Variants in NUB1 observed in about 807,000 individuals in gnomAD.
The protein encoded by NUB1 is NEDD8 ultimate buster 1.
NUB1 carries 41 observed loss-of-function variants against 77.1 expected under a neutral mutation model. The observed-to-expected ratio is 0.53, with a 90% CI of 0.41 to 0.69. NUB1 has a LOEUF of 0.69. Ranked by LOEUF, NUB1 falls within the 30% of genes least tolerant of loss-of-function variation. The pLI, the probability that NUB1 is intolerant of heterozygous loss-of-function variation, is 0.00. For synonymous variants in NUB1, 257 were observed against 281.0 expected, an observed-to-expected ratio of 0.91 and a Z score of 0.85; for missense variants, 643 against 743.8, an observed-to-expected ratio of 0.86 and a Z score of 1.58.
chr7:151,343,822 C>T (rs1796325446), intron 1 of NUB1, among the ~76,000 whole-genome samples: 1 of 152,064 alleles, frequency 6.6e-6, no homozygotes, highest in Admixed American at 6.6e-5. Context: ...GTGTCTTTGC[C>T]TGAGTCATGG....
chr7:151,373,168 C>T (rs1798038714), intron 11 of NUB1, among the ~76,000 whole-genome samples: 1 of 152,160 alleles, frequency 6.6e-6, no homozygotes, highest in South Asian at 2.1e-4. Flanking sequence ...CTGTTTTCTC[C>T]CCCGTCCTCG....
At chr7:151,368,091 G>T (rs1797778408) in intron 10 of NUB1, 123 bp downstream of exon 10, 8 of 618,454 alleles carry the variant, frequency 1.3e-5, no homozygotes, top group South Asian at 1.2e-4. Flanking sequence ...TCCGTGCACA[G>T]GAGATGTTGA....
Position 151,344,180 on chromosome 7 carries a change from C to CAAAAAAAAA in NUB1, c.-2-1143_-2-1135dup, listed in dbSNP as rs561127147. Among the ~76,000 whole-genome samples the CAAAAAAAAA allele has an allele frequency of 8.5e-4, 39 of 45,638 alleles. 2 individuals are homozygous for CAAAAAAAAA. Among genetic ancestry groups the CAAAAAAAAA allele is most frequent in the African/African-American group, 1.4e-3 (24 of 16,676 alleles). 29.9% of individuals were successfully genotyped at this position (45,638 alleles called of 152,430 possible). A position where few individuals can be genotyped will look rare whatever the true frequency, so the allele number is the denominator to read the frequency against. ...TGGGCGACAGAGTGAGACTCCCTCT[C>CAAAAAAAAA]AAAAAAAAAAAAAAAAAAAAAAAAA... On this transcript the variant is annotated intron_variant, in intron 1 of 14. Transcript: ENST00000568733.
Position 151,342,005 on chromosome 7 carries a change from G to GGGGCCC in NUB1, c.-3+164_-3+165insCGGGCC, listed in dbSNP as rs1370784522. 339 of 1,255,260 alleles carry GGGGCCC rather than the reference G, an allele frequency of 2.7e-4. No individual in the cohort carries two copies. In the African/African-American group the frequency reaches 4.8e-3, roughly 18 times the overall value. 77.8% of individuals were successfully genotyped at this position (1,255,260 alleles called of 1,614,324 possible). A position where few individuals can be genotyped will look rare whatever the true frequency, so the allele number is the denominator to read the frequency against. ...GTGGAGCTGGGCCGGGGCCGGGGCC[G>GGGGCCC]GGGCCGGGAGCGGTGGGCCGGGCTT... On this transcript the variant is annotated intron_variant, in intron 1 of 14. Coordinates refer to ENST00000568733, the MANE Select transcript of NUB1 (RefSeq NM_001243351.2).
At position 151,377,246 on chromosome 7, in the gene NUB1, T is replaced by C; in HGVS notation, c.*21T>C. On this transcript the variant is annotated 3_prime_UTR_variant, in exon 15 of 15. Coordinates refer to ENST00000568733, the MANE Select transcript of NUB1 (RefSeq NM_001243351.2). ...ACTAAATAATGAACAGAAATAGCGC[T>C]AATTTTCTGCTTATAAATGCTATCA... 1 of 1,398,064 alleles carries C rather than the reference T, an allele frequency of 7.2e-7. No homozygotes were observed. The highest frequency in any genetic ancestry group is 9.7e-7 in the Non-Finnish European group (1 of 1,027,486). The allele number at this position is 1,398,064 out of a possible 1,614,324, so 86.6% of individuals were successfully genotyped here. A position where few individuals can be genotyped will look rare whatever the true frequency, so the allele number is the denominator to read the frequency against.
At chr7:151,375,242 T>G (rs1041834760) in intron 12 of NUB1, among the ~76,000 whole-genome samples, 2 of 152,246 alleles carry the variant, frequency 1.3e-5, no homozygotes, top group African/African-American at 4.8e-5. Context: ...TTTATTTGAA[T>G]ATCATCTAGT....
At chr7:151,372,766 G>A (rs1798021449) in intron 11 of NUB1, among the ~76,000 whole-genome samples, 1 of 152,116 alleles carries the variant, frequency 6.6e-6, no homozygotes, top group African/African-American at 2.4e-5. Context: ...CTGGAATGAC[G>A]GAGCCTGCTG....
chr7:151,349,066 T>G lies in NUB1; in HGVS notation c.118-7T>G. Reference sequence around the variant, plus strand: ...TCAGTATTGCATTTTCTGATTTTTCTTGATAGGACCTTGCTAAGCAGTACT... The same window carrying G: ...TCAGTATTGCATTTTCTGATTTTTCGTGATAGGACCTTGCTAAGCAGTACT... On this transcript the variant is annotated splice_polypyrimidine_tract_variant and splice_region_variant and intron_variant, in intron 2 of 14. Transcript: ENST00000568733. 1.9e-6 allele frequency: 3 copies of G among 1,595,684 alleles called. No individual in the cohort carries two copies. Among genetic ancestry groups the G allele is most frequent in the Non-Finnish European group, 2.6e-6 (3 of 1,175,478 alleles).
chr7:151,374,079 T>A lies in NUB1; in HGVS notation c.1249-18T>A, dbSNP rs1285913174. 1 of 1,547,504 alleles carries A rather than the reference T, an allele frequency of 6.5e-7. No homozygotes were observed. Among genetic ancestry groups the A allele is most frequent in the Non-Finnish European group, 8.7e-7 (1 of 1,144,766 alleles). On this transcript the variant is annotated intron_variant, in intron 11 of 14. Transcript: ENST00000568733. ...CTCAGTCCCTAACTTGGGATGGGAC[T>A]TTGCTGTTTTCCTAAAGGAACTGGC...
At chr7:151,355,622 A>C (rs1797028370) in intron 5 of NUB1, 146 bp from the exon 6 acceptor site, 1 of 764,084 alleles carries the variant, frequency 1.3e-6, no homozygotes. Context: ...GTGGGGAGCC[A>C]TGATCGTGTC....
chr7:151,353,638 T>A (rs944325014), intron 5 of NUB1, among the ~76,000 whole-genome samples: 1 of 152,096 alleles, frequency 6.6e-6, no homozygotes, highest in Non-Finnish European at 1.5e-5. Flanking sequence ...TGCTGCGGAG[T>A]GATACACAAT....
At chr7:151,356,462 A>G (rs1220865733) in intron 7 of NUB1, among the ~76,000 whole-genome samples, 2 of 152,202 alleles carry the variant, frequency 1.3e-5, no homozygotes, top group African/African-American at 4.8e-5. Context: ...GTGACTTTCA[A>G]CATACCTGAG....
At position 151,352,557 on chromosome 7, in the gene NUB1, C is replaced by A. The variant is rs193146130; in HGVS notation, c.345-255C>A. Among the ~76,000 whole-genome samples, 14 of 152,226 alleles carry A rather than the reference C, an allele frequency of 9.2e-5. No individual in the cohort carries two copies. In the East Asian group the frequency reaches 2.3e-3, roughly 25 times the overall value. On this transcript the variant is annotated intron_variant, in intron 4 of 14. Coordinates refer to ENST00000568733, the MANE Select transcript of NUB1 (RefSeq NM_001243351.2). ...CTCGCGGTTCAAGCAATCCTCCTAC[C>A]CAAACCTCCCAAGCAGCTAGGGCCA...
intron 7 of NUB1, among the ~76,000 whole-genome samples, chr7:151,359,940 A>G (rs952717234): frequency 6.6e-6 from 1 of 152,226 alleles, no homozygotes; most frequent in Non-Finnish European, 1.5e-5. Context: ...TATCAGCTAT[A>G]ATAAATGAAG....
At chr7:151,354,397 G>A (rs17173099) in intron 5 of NUB1, among the ~76,000 whole-genome samples, 2,282 of 148,624 alleles carry the variant, frequency 0.015, 48 homozygotes, top group African/African-American at 0.052. Context: ...TAGAAAGGTT[G>A]TCATATTTCT....
rs1371859167 is a variant in NUB1, at chr7:151,344,268, G to A, written c.-2-1080G>A. The stretch of plus-strand genomic sequence containing the variant: ...AAATATGCAAAATTTTCCTAGTATT[G>A]TAATCTTTTTAATTTAAAAAATTCT... On this transcript the variant is annotated intron_variant, in intron 1 of 14. Transcript: ENST00000568733. Among the ~76,000 whole-genome samples, 34 of 133,974 alleles carry A rather than the reference G, an allele frequency of 2.5e-4. No homozygotes were observed. The Admixed American group carries it at 2.6e-3, about 10-fold the overall frequency. 87.9% of individuals were successfully genotyped at this position (133,974 alleles called of 152,430 possible).
At chr7:151,364,310 A>G (rs1199419871) in intron 8 of NUB1, among the ~76,000 whole-genome samples, 2 of 148,578 alleles carry the variant, frequency 1.3e-5, no homozygotes, top group Non-Finnish European at 3.0e-5. Context: ...AGTCCCAGCT[A>G]CTTGAGAGGC....
chr7:151,352,243 G>C lies in NUB1; in HGVS notation c.345-569G>C, dbSNP rs1334799989. ...TGCAACTAGGGCTTCCTGTTCACATGGATCTACAGCACTGTGGTCTCCACT... is the reference window on the plus strand; with the variant it reads ...TGCAACTAGGGCTTCCTGTTCACATCGATCTACAGCACTGTGGTCTCCACT... On this transcript the variant is annotated intron_variant, in intron 4 of 14. Transcript: ENST00000568733. 2 of 449,502 alleles carry C rather than the reference G, an allele frequency of 4.4e-6. 1 individual carries two copies. Among genetic ancestry groups the C allele is most frequent in the South Asian group, 3.1e-5 (2 of 64,210 alleles). 27.8% of individuals were successfully genotyped at this position (449,502 alleles called of 1,614,324 possible). A position where few individuals can be genotyped will look rare whatever the true frequency, so the allele number is the denominator to read the frequency against.
In NUB1 at chr7:151,349,180, C is replaced by T. The variant is rs1796668092; in HGVS notation, c.225C>T (p.Asp75=). The change falls in exon 3 of 15, where the codon GAC becomes GAT. Residue 75 remains aspartate (D), a synonymous_variant. Transcript: ENST00000568733. ...CAATTGAGCGTGGAACAGGAAATGACAATTATAGAACAACGGGAATTGCTA... is the reference window on the plus strand; with the variant it reads ...CAATTGAGCGTGGAACAGGAAATGATAATTATAGAACAACGGGAATTGCTA... The part of the protein sequence containing the change: ...CKAIERGTGN[D]NYRTTGIATI... 2 of 1,613,234 alleles carry T rather than the reference C, an allele frequency of 1.2e-6. No homozygotes were observed. The highest frequency in any genetic ancestry group is 1.7e-6 in the Non-Finnish European group (2 of 1,179,662).
Sources: allele counts gnomAD v4.1 joint callset (sites outside exome capture counted in the v4.1 genomes callset), GRCh38; gene constraint gnomAD v4.1.1; transcripts MANE v1.5; gene names NCBI Gene and HGNC (gene_info 2026-07-23, HGNC 2026-07-21).